The following RGS5 variants were observed in gnomAD, a reference collection of about 807,000 sequenced individuals.
RGS5 encodes regulator of G protein signaling 5.
Under a neutral mutation model 18.9 loss-of-function variants are expected in RGS5, and 20 were observed. That is an observed-to-expected ratio of 1.06 (90% CI 0.74 to 1.54). The LOEUF is 1.54. Ranked by LOEUF, RGS5 falls within the 40% of genes most tolerant of loss-of-function variation. The pLI is 0.00. For synonymous variants in RGS5, 57 were observed against 76.2 expected (o/e 0.75, Z 1.31); for missense variants, 201 against 211.8 (o/e 0.95, Z 0.32).
At chr1:163,316,111 T>G (rs1272684407) in intron 1 of RGS5, among the ~76,000 whole-genome samples, 3 of 152,160 alleles carry the variant, frequency 2.0e-5, no homozygotes, top group Admixed American at 6.5e-5. Context: ...AACTCAAAAA[T>G]ATATAAAAGC....
At chr1:163,288,395 A>G (rs1195193090) in intron 2 of RGS5, among the ~76,000 whole-genome samples, 1 of 152,168 alleles carries the variant, frequency 6.6e-6, no homozygotes, top group African/African-American at 2.4e-5. Context: ...TCCACTGTGC[A>G]ACGTGTTGTG....
At chr1:163,193,849 C>G (rs965300182) in intron 1 of RGS5, among the ~76,000 whole-genome samples, 1 of 152,118 alleles carries the variant, frequency 6.6e-6, no homozygotes, top group African/African-American at 2.4e-5. Flanking sequence ...ACTGTTAAGG[C>G]AAATGACAAG....
At chr1:163,203,472 C>G (rs921581059), upstream of RGS5, among the ~76,000 whole-genome samples, 1 of 152,064 alleles carries the variant, frequency 6.6e-6, no homozygotes, top group Non-Finnish European at 1.5e-5. Flanking sequence ...TGATGGAGGC[C>G]GGGCTGGGAT....
chr1:163,265,129 C>T (rs1218129550), intron 2 of RGS5, among the ~76,000 whole-genome samples: 1 of 152,120 alleles, frequency 6.6e-6, no homozygotes, highest in African/African-American at 2.4e-5. Context: ...TTTTCTGTGT[C>T]TCACAAAGGT....
At chr1:163,226,501 T>C (rs981283759) in intron 2 of RGS5, among the ~76,000 whole-genome samples, 2 of 152,086 alleles carry the variant, frequency 1.3e-5, no homozygotes, top group East Asian at 3.9e-4. Context: ...GTCTCTGGTC[T>C]CCAAAAGAGG....
At chr1:163,158,852 C>T (rs1419142639) in intron 3 of RGS5, among the ~76,000 whole-genome samples, 1 of 152,134 alleles carries the variant, frequency 6.6e-6, no homozygotes, top group Non-Finnish European at 1.5e-5. Flanking sequence ...GCAGGAATTT[C>T]CTCATCCTAA....
chr1:163,168,436 T>TCTCCCTCTCCCTC, intron 1 of RGS5, 68 bp from the exon 2 acceptor site: 1 of 1,180,518 alleles, frequency 8.5e-7, no homozygotes, highest in Non-Finnish European at 1.2e-6. Context: ...AAGAGATTTC[T>TCTCCCTCTCCCTC]TCCTGTGTCA....
chr1:163,189,847 T>G (rs933270431), intron 1 of RGS5, among the ~76,000 whole-genome samples: 1 of 152,218 alleles, frequency 6.6e-6, no homozygotes, highest in Non-Finnish European at 1.5e-5. Context: ...AGGAGTCTCA[T>G]GCACCGTGGT....
At position 163,191,497 on chromosome 1, in the gene RGS5, C is replaced by T. The variant is rs150012753; in HGVS notation, c.44+11295G>A. ...GGAGAAGTGAAACAAGTAACTGAAA[C>T]ATTGGTTGTCTAAAATGGGAGCAGT... On this transcript the variant is annotated intron_variant, in intron 1 of 4. Coordinates refer to ENST00000313961, the MANE Select transcript of RGS5 (RefSeq NM_003617.4). Among the ~76,000 whole-genome samples the T allele has an allele frequency of 1.5e-3, 231 of 152,230 alleles. 2 individuals are homozygous for T. Among genetic ancestry groups the T allele is most frequent in the African/African-American group, 5.0e-3 (208 of 41,552 alleles).
chr1:163,256,475 A>T (rs1648275061), intron 2 of RGS5, among the ~76,000 whole-genome samples: 1 of 152,188 alleles, frequency 6.6e-6, no homozygotes, highest in African/African-American at 2.4e-5. Context: ...AAGGAGGAAG[A>T]AGCTGATGAA....
At chr1:163,253,517 G>A (rs1571320623) in intron 2 of RGS5, among the ~76,000 whole-genome samples, 1 of 150,834 alleles carries the variant, frequency 6.6e-6, no homozygotes, top group African/African-American at 2.4e-5. Flanking sequence ...GCCATGTTGG[G>A]CAGCCTGGTC....
chr1:163,147,786 CT>C (rs1252886549), intron 4 of RGS5, among the ~76,000 whole-genome samples: 1 of 75,138 alleles, frequency 1.3e-5, no homozygotes, highest in East Asian at 3.9e-4. Context: ...AAGAATGATT[CT>C]TTCCTTTTAT....
In RGS5 at chr1:163,246,709, G is replaced by A. The variant is rs992703454; in HGVS notation, c.-281+59524C>T. ...TGTTACAAAACCCACTTGTGTCTGCGAGCAATCTATGATGAGTCTAGATTT... is the reference window on the plus strand; with the variant it reads ...TGTTACAAAACCCACTTGTGTCTGCAAGCAATCTATGATGAGTCTAGATTT... On this transcript the variant is annotated intron_variant, in intron 2 of 5. Transcript: ENST00000618415. Among the ~76,000 whole-genome samples the A allele has an allele frequency of 5.3e-5, 8 of 152,168 alleles. 1 individual carries two copies. In the South Asian group the frequency reaches 8.3e-4, roughly 16 times the overall value.
At chr1:163,265,684 C>T (rs751962051) in intron 2 of RGS5, among the ~76,000 whole-genome samples, 16 of 152,096 alleles carry the variant, frequency 1.1e-4, no homozygotes, top group African/African-American at 2.7e-4. Flanking sequence ...TTCCCATTAT[C>T]CTTTGGAAAC....
chr1:163,260,264 T>C (rs186817001), intron 2 of RGS5: 3 of 152,362 alleles, frequency 2.0e-5, no homozygotes, highest in Non-Finnish European at 2.9e-5. Flanking sequence ...TGATGAGATC[T>C]TTGGATGGTT....
chr1:163,269,832 C>G (rs1648671609), intron 2 of RGS5, among the ~76,000 whole-genome samples: 2 of 152,094 alleles, frequency 1.3e-5, no homozygotes, highest in African/African-American at 4.8e-5. Flanking sequence ...AATTGACTGT[C>G]TTTTCTAGAA....
intron 1 of RGS5, among the ~76,000 whole-genome samples, chr1:163,180,254 G>C (rs1176119833): frequency 6.6e-6 from 1 of 152,202 alleles, no homozygotes; most frequent in Non-Finnish European, 1.5e-5. Context: ...GGAATTACAG[G>C]TGTGAACCGC....
chr1:163,270,457 C>T (rs560117959), intron 2 of RGS5, among the ~76,000 whole-genome samples: 12 of 151,406 alleles, frequency 7.9e-5, no homozygotes, highest in African/African-American at 2.9e-4. Context: ...AAGGTCAAGG[C>T]TGCAATGAGC....
intron 2 of RGS5, among the ~76,000 whole-genome samples, chr1:163,302,165 T>C (rs568228004): frequency 2.0e-5 from 3 of 152,288 alleles, no homozygotes; most frequent in East Asian, 1.9e-4. Flanking sequence ...GAAGAATAAG[T>C]AGTAAGTAAA....
Sources: allele counts gnomAD v4.1 joint callset (sites outside exome capture counted in the v4.1 genomes callset), GRCh38; gene constraint gnomAD v4.1.1; transcripts MANE v1.5; gene names NCBI Gene and HGNC (gene_info 2026-07-23, HGNC 2026-07-21).